STK3: variants seen among roughly 807,000 people sequenced by gnomAD.
STK3 encodes serine/threonine kinase 3, also known as serine/threonine-protein kinase 3.
A neutral mutation model predicts 58.0 loss-of-function variants in STK3; 41 were observed. The observed-to-expected ratio is 0.71, with a 90% CI of 0.55 to 0.92. The LOEUF (loss-of-function observed/expected upper bound fraction) is 0.92, where lower values mean the gene tolerates loss of function less well. STK3 is among the 40% of genes least tolerant of loss of function. The probability of loss-of-function intolerance (pLI) is 0.00; values close to 1 mark genes in which losing one functional copy is unlikely to be tolerated. For synonymous variants in STK3, 170 were observed against 191.0 expected, an observed-to-expected ratio of 0.89 and a Z score of 0.91; for missense variants, 479 against 602.7, an observed-to-expected ratio of 0.79 and a Z score of 2.15.
intron 4 of STK3, among the ~76,000 whole-genome samples, chr8:98,744,433 G>A (rs937055254): frequency 3.3e-5 from 5 of 151,890 alleles, no homozygotes; most frequent in African/African-American, 7.3e-5. Context: ...CCTTTGTAGG[G>A]ACATGGATGA....
At chr8:98,668,490 TTCA>T (rs1394521228) in intron 6 of STK3, among the ~76,000 whole-genome samples, 1 of 152,180 alleles carries the variant, frequency 6.6e-6, no homozygotes, top group African/African-American at 2.4e-5. Flanking sequence ...ATTTATTAGT[TTCA>T]TCAACTAGTT....
At chr8:98,843,680 C>T (rs554824240) in intron 3 of STK3, among the ~76,000 whole-genome samples, 25 of 152,158 alleles carry the variant, frequency 1.6e-4, no homozygotes, top group Non-Finnish European at 2.9e-4. Flanking sequence ...ATTTAGTTTA[C>T]GCCTGAAACA....
Position 98,702,102 on chromosome 8 carries a change from G to C in STK3, c.684+4365C>G, listed in dbSNP as rs187679858. 3.9e-5 allele frequency among the ~76,000 whole-genome samples: 6 copies of C among 152,154 alleles called. No individual in the cohort carries two copies. In the South Asian group the frequency reaches 1.0e-3, roughly 26 times the overall value. ...TTTACATATACTACAAGTTTCTTTG[G>C]GGGGAAGAAAAAGTTGTATGGAAAC... On this transcript the variant is annotated intron_variant, in intron 6 of 10. Transcript: ENST00000419617.
the STK3 span, among the ~76,000 whole-genome samples, chr8:98,352,084 C>T: frequency 3.5e-5 from 5 of 143,002 alleles, no homozygotes; most frequent in Admixed American, 1.5e-4. Flanking sequence ...TTGTAGTGAG[C>T]TGAGATCGCG....
intron 8 of STK3, among the ~76,000 whole-genome samples, chr8:98,562,317 A>G (rs1259164650): frequency 6.6e-6 from 1 of 152,108 alleles, no homozygotes; most frequent in Admixed American, 6.6e-5. Context: ...TATCTCTGCA[A>G]TGTAATACTA....
chr8:98,343,991 T>C, the STK3 span, among the ~76,000 whole-genome samples: 4 of 152,208 alleles, frequency 2.6e-5, no homozygotes, highest in African/African-American at 9.6e-5. Context: ...ATCATTATTA[T>C]ATTATTTATT....
At chr8:98,512,486 AATAC>A (rs1376949320) in intron 10 of STK3, among the ~76,000 whole-genome samples, 1 of 152,208 alleles carries the variant, frequency 6.6e-6, no homozygotes, top group Non-Finnish European at 1.5e-5. Flanking sequence ...ATAAAGAATT[AATAC>A]ATAAACAATA....
chr8:98,933,856 C>T (rs2132044727), intron 1 of STK3, among the ~76,000 whole-genome samples: 1 of 152,278 alleles, frequency 6.6e-6, no homozygotes, highest in South Asian at 2.1e-4. Context: ...AGAATAGAGC[C>T]TGTAAGTATT....
chr8:98,451,378 C>A (rs999704795), downstream of STK3, among the ~76,000 whole-genome samples: 8 of 152,146 alleles, frequency 5.3e-5, no homozygotes, highest in African/African-American at 1.9e-4. Flanking sequence ...GGAAAGGGCT[C>A]AAATAAAACA....
chr8:98,824,753 C>T (rs1028993205), intron 1 of STK3, among the ~76,000 whole-genome samples: 10 of 152,208 alleles, frequency 6.6e-5, no homozygotes, highest in African/African-American at 2.4e-4. Flanking sequence ...CTCTAGCTGT[C>T]AAAGCATACG....
chr8:98,482,956 A>T (rs572277095), intron 10 of STK3, among the ~76,000 whole-genome samples: 1 of 152,192 alleles, frequency 6.6e-6, no homozygotes, highest in Non-Finnish European at 1.5e-5. Flanking sequence ...ATGAAAGCAT[A>T]CGGATTTTAT....
intron 4 of STK3, among the ~76,000 whole-genome samples, chr8:98,736,346 G>A (rs1587460324): frequency 6.6e-6 from 1 of 152,088 alleles, no homozygotes; most frequent in Admixed American, 6.5e-5. Flanking sequence ...GATGAGGCAA[G>A]GGCATACATA....
At chr8:98,580,223 T>C (rs1813758447) in intron 7 of STK3, among the ~76,000 whole-genome samples, 1 of 152,228 alleles carries the variant, frequency 6.6e-6, no homozygotes, top group Admixed American at 6.5e-5. Context: ...GGAGAGCAAC[T>C]ATTTTGTTAC....
chr8:98,648,890 C>CAA (rs1190143845), intron 6 of STK3, among the ~76,000 whole-genome samples: 4 of 122,924 alleles, frequency 3.3e-5, no homozygotes, highest in Non-Finnish European at 3.5e-5. Context: ...GACTCCGTCT[C>CAA]AAAAAAAAAA....
chr8:98,370,948 G>A (rs140823793), downstream of STK3, among the ~76,000 whole-genome samples: 1 of 152,328 alleles, frequency 6.6e-6, no homozygotes, highest in Admixed American at 6.5e-5. Context: ...TATTATATGT[G>A]AAAGACTTTG....
intron 2 of STK3, among the ~76,000 whole-genome samples, chr8:98,377,793 G>A (rs1817689881): frequency 6.6e-6 from 1 of 152,156 alleles, no homozygotes; most frequent in Non-Finnish European, 1.5e-5. Flanking sequence ...GACAAGGTGT[G>A]AGTCTCAGGG....
intron 1 of STK3, among the ~76,000 whole-genome samples, chr8:98,941,023 C>A (rs541481441): frequency 6.6e-6 from 1 of 152,306 alleles, no homozygotes; most frequent in South Asian, 2.1e-4. Flanking sequence ...GCCGCTGGGC[C>A]GGCGGGGCAG....
chr8:98,664,140 C>T (rs1822166491), intron 6 of STK3, among the ~76,000 whole-genome samples: 1 of 152,108 alleles, frequency 6.6e-6, no homozygotes, highest in South Asian at 2.1e-4. Context: ...AATATATCTA[C>T]ATACCAAACC....
intron 4 of STK3, among the ~76,000 whole-genome samples, chr8:98,748,968 G>C (rs1319513686): frequency 6.6e-6 from 1 of 151,562 alleles, no homozygotes; most frequent in Non-Finnish European, 1.5e-5. Flanking sequence ...CATAATTTAT[G>C]AAACTCACAT....
Sources: gnomAD v4.1 joint callset for allele counts (sites outside exome capture counted in the v4.1 genomes callset) on GRCh38, gnomAD v4.1.1 for gene constraint, MANE v1.5 for transcripts, NCBI Gene and HGNC (gene_info 2026-07-23, HGNC 2026-07-21) for gene names.